Variants in ABCA1 observed in about 807,000 individuals in gnomAD.
ABCA1 encodes ATP binding cassette subfamily A member 1, also known as phospholipid-transporting ATPase ABCA1.
A neutral mutation model predicts 262.5 loss-of-function variants in ABCA1; 133 were observed. That is an observed-to-expected ratio of 0.51 (90% CI 0.44 to 0.59). The LOEUF (loss-of-function observed/expected upper bound fraction) is 0.59. ABCA1 is among the 20% of genes least tolerant of loss of function. The pLI is 0.00. For missense variants in ABCA1, 2,452 were observed against 2,777.5 expected (o/e 0.88, Z 2.63); for synonymous variants, 1,022 against 1,043.5 (o/e 0.98, Z 0.40).
chr9:104,825,519 T>C (rs1832739032), intron 17 of ABCA1, 164 bp downstream of exon 17: 1 of 733,954 alleles, frequency 1.4e-6, no homozygotes, highest in Non-Finnish European at 2.4e-6. Flanking sequence ...GTAGTGACAA[T>C]TGTACTTTCA....
At chr9:104,803,605 C>A (rs1416408310) in intron 32 of ABCA1, among the ~76,000 whole-genome samples, 1 of 150,242 alleles carries the variant, frequency 6.7e-6, no homozygotes, top group South Asian at 2.1e-4. Flanking sequence ...GAAGCTTTTT[C>A]TTTCTTTTTT....
At chr9:104,799,216 G>A (rs1019340193) in intron 36 of ABCA1, among the ~76,000 whole-genome samples, 1 of 152,106 alleles carries the variant, frequency 6.6e-6, no homozygotes, top group African/African-American at 2.4e-5. Context: ...CCACATACAG[G>A]AAAGGTATCT....
intron 5 of ABCA1, among the ~76,000 whole-genome samples, chr9:104,870,512 T>C (rs917000071): frequency 6.6e-6 from 1 of 152,250 alleles, no homozygotes; most frequent in Non-Finnish European, 1.5e-5. Context: ...GCACACCTGC[T>C]ATGATTTGAA....
intron 5 of ABCA1, among the ~76,000 whole-genome samples, chr9:104,874,260 G>T (rs147980405): frequency 1.6e-3 from 237 of 152,320 alleles, no homozygotes; most frequent in African/African-American, 5.6e-3. Context: ...AACAGGCTGG[G>T]CATGGTGGCT....
At chr9:104,865,250 G>GT (rs1336029439) in intron 5 of ABCA1, among the ~76,000 whole-genome samples, 2 of 152,208 alleles carry the variant, frequency 1.3e-5, no homozygotes, top group Non-Finnish European at 2.9e-5. Context: ...AACTGCTAGG[G>GT]TAAGACCCAG....
intron 44 of ABCA1, among the ~76,000 whole-genome samples, chr9:104,790,629 T>G (rs1181223094): frequency 6.6e-6 from 1 of 152,178 alleles, no homozygotes; most frequent in Non-Finnish European, 1.5e-5. Context: ...ACTCTCAATT[T>G]ACCAAAAATC....
At position 104,802,153 on chromosome 9, in the gene ABCA1, G is replaced by A. The variant is rs202141617; in HGVS notation, c.4599C>T (p.Gly1533=). 43 of 1,614,046 alleles carry A rather than the reference G, an allele frequency of 2.7e-5. No individual in the cohort carries two copies. In the African/African-American group the frequency reaches 3.7e-4, roughly 14 times the overall value. The stretch of plus-strand genomic sequence containing the variant: ...TATTACTGACACCCAGGGAAAAGCC[G>A]CCATACCTAAAAGAACAGCCTGACA... ...NKIWVNEFRY[G]GFSLGVSNTQ... The change falls in exon 34 of 50, where the codon GGC becomes GGT. Residue 1533 remains glycine (G), a synonymous_variant. Transcript: ENST00000374736.
At chr9:104,824,263 G>A (rs1333510486) in intron 18 of ABCA1, among the ~76,000 whole-genome samples, 1 of 152,184 alleles carries the variant, frequency 6.6e-6, no homozygotes, top group Non-Finnish European at 1.5e-5. Flanking sequence ...CTCAGGGATC[G>A]AGACCGTGAA....
chr9:104,817,688 T>A lies in ABCA1; in HGVS notation c.3463-284A>T, dbSNP rs1269262110. 2.0e-5 allele frequency among the ~76,000 whole-genome samples: 3 copies of A among 152,190 alleles called. No homozygotes were observed. The highest frequency in any genetic ancestry group is 4.4e-5 in the Non-Finnish European group (3 of 68,026). ...GCTGCAATGAGGCCTTTGCCAACCA[T>A]CTCAGGCAAGGCCTTTACCTGGCTA... On this transcript the variant is annotated intron_variant, in intron 23 of 49. Transcript: ENST00000374736. This position sits in a 1 kb window ranked among gnomAD's most constrained non-coding sequence, Gnocchi z 4.7.
At chr9:104,868,723 A>C (rs1837310804) in intron 5 of ABCA1, among the ~76,000 whole-genome samples, 1 of 152,170 alleles carries the variant, frequency 6.6e-6, no homozygotes, top group Non-Finnish European at 1.5e-5. Flanking sequence ...AGAACAAAAA[A>C]CAGGTGACAT....
intron 2 of ABCA1, among the ~76,000 whole-genome samples, chr9:104,896,697 T>C (rs1840234271): frequency 7.2e-6 from 1 of 139,026 alleles, no homozygotes; most frequent in Non-Finnish European, 1.5e-5. Flanking sequence ...ACTCCAAAAT[T>C]GCTCCCTACA....
Position 104,837,579 on chromosome 9 carries a change from A to C in ABCA1, c.1055-12T>G. 1.2e-6 allele frequency: 2 copies of C among 1,613,742 alleles called. No individual in the cohort carries two copies. Among genetic ancestry groups the C allele is most frequent in the Non-Finnish European group, 1.7e-6 (2 of 1,179,938 alleles). On this transcript the variant is annotated splice_polypyrimidine_tract_variant and intron_variant, in intron 9 of 49. Coordinates refer to ENST00000374736, the MANE Select transcript of ABCA1 (RefSeq NM_005502.4). ...ATTGCAGTAAGGAGCTATGAAGAAGAGGAGAGACAAATGCTCATATGCATG... is the reference window on the plus strand; with the variant it reads ...ATTGCAGTAAGGAGCTATGAAGAAGCGGAGAGACAAATGCTCATATGCATG...
intron 11 of ABCA1, among the ~76,000 whole-genome samples, chr9:104,836,283 C>A (rs1833811233): frequency 6.6e-6 from 1 of 152,200 alleles, no homozygotes; most frequent in African/African-American, 2.4e-5. Context: ...CTGGCAAAAT[C>A]CTCACCTGCT....
chr9:104,818,612 G>T, intron 23 of ABCA1, 51 bp downstream of exon 23: 1 of 1,545,638 alleles, frequency 6.5e-7, no homozygotes, highest in Non-Finnish European at 8.9e-7. Context: ...CAGCCAGCAA[G>T]TCCTGGCTGC....
intron 1 of ABCA1, among the ~76,000 whole-genome samples, chr9:104,916,666 G>A (rs1841860732): frequency 6.6e-6 from 1 of 152,156 alleles, no homozygotes; most frequent in Admixed American, 6.5e-5. Context: ...GTGGGTAATG[G>A]AACAGAAAAC....
rs1421895140 is a variant in ABCA1, at chr9:104,822,668, CTG to C, written c.2657-3_2657-2del. ...TGGGTGGGTTCCTCCTCCATGCAGA[CTG>C]TGACAGGAGAGAAGACAGAAATGAA... On this transcript the variant is annotated splice_acceptor_variant and splice_polypyrimidine_tract_variant and intron_variant, in intron 18 of 49. Coordinates refer to ENST00000374736, the MANE Select transcript of ABCA1 (RefSeq NM_005502.4). LOFTEE classifies it high-confidence loss of function. 3.7e-6 allele frequency: 6 copies of C among 1,613,928 alleles called. No homozygotes were observed. In the Admixed American group the frequency reaches 8.3e-5, roughly 22 times the overall value.
At chr9:104,858,754 G>A (rs1169859931) in intron 6 of ABCA1, 56 bp from the exon 7 acceptor site, 116 of 1,588,800 alleles carry the variant, frequency 7.3e-5, no homozygotes, top group Non-Finnish European at 9.6e-5. Flanking sequence ...AAGATTGGAA[G>A]CTGGGTCCTT....
chr9:104,870,636 A>G (rs1355524451), intron 5 of ABCA1, among the ~76,000 whole-genome samples: 1 of 151,848 alleles, frequency 6.6e-6, no homozygotes, highest in African/African-American at 2.4e-5. Flanking sequence ...CACCAATAGC[A>G]TTAGGGCCCC....
intron 25 of ABCA1, among the ~76,000 whole-genome samples, chr9:104,815,277 T>C (rs1831640045): frequency 2.0e-5 from 3 of 152,222 alleles, no homozygotes; most frequent in South Asian, 2.1e-4. Flanking sequence ...AAGTATGCAA[T>C]AGAAATACAG....
Sources: gnomAD v4.1 joint callset for allele counts (sites outside exome capture counted in the v4.1 genomes callset) on GRCh38, gnomAD v4.1.1 for gene constraint, Gnocchi (gnomAD v3.1) non-coding constraint, MANE v1.5 for transcripts, NCBI Gene and HGNC (gene_info 2026-07-23, HGNC 2026-07-21) for gene names.